Variants in TBC1D4 observed in about 807,000 individuals in gnomAD.
The protein encoded by TBC1D4 is TBC1 domain family member 4.
Under a neutral mutation model 142.5 loss-of-function variants are expected in TBC1D4, and 121 were observed. That is an observed-to-expected ratio of 0.85 (90% confidence interval 0.73 to 0.99). The LOEUF (loss-of-function observed/expected upper bound fraction) is 0.99, where lower values mean the gene tolerates loss of function less well. TBC1D4 is among the 50% of genes least tolerant of loss of function. The pLI, the probability that TBC1D4 is intolerant of heterozygous loss-of-function variation, is 0.00. For missense variants in TBC1D4, 1,475 were observed against 1,606.6 expected, an observed-to-expected ratio of 0.92 and a Z score of 1.40; for synonymous variants, 630 against 628.2, an observed-to-expected ratio of 1.00 and a Z score of -0.04.
chr13:75,335,336 T>C (rs1004646015), intron 8 of TBC1D4, among the ~76,000 whole-genome samples: 19 of 152,182 alleles, frequency 1.2e-4, no homozygotes, highest in Non-Finnish European at 2.5e-4. Context: ...CCCACGTAGC[T>C]TGACCTCACC....
chr13:75,440,380 CAG>C (rs1390111821), intron 1 of TBC1D4, among the ~76,000 whole-genome samples: 18 of 151,506 alleles, frequency 1.2e-4, no homozygotes, highest in Non-Finnish European at 2.1e-4. Flanking sequence ...AAAGAGAAAA[CAG>C]AGGAGGGTTT....
At position 75,362,741 on chromosome 13, in the gene TBC1D4, CAG is replaced by C. The variant is rs928890289; in HGVS notation, c.499-136_499-135del. The C allele has an allele frequency of 2.3e-6, 2 of 875,926 alleles. No individual in the cohort carries two copies. The highest frequency in any genetic ancestry group is 3.4e-5 in the African/African-American group (2 of 59,076). 54.3% of individuals were successfully genotyped at this position (875,926 alleles called of 1,614,324 possible). On this transcript the variant is annotated intron_variant, in intron 1 of 20. Transcript: ENST00000377636. The surrounding 1 kb of genome is among the most constrained non-coding windows in gnomAD (Gnocchi z 4.2). ...ACAAAGTAATAGACACTACACGAGA[CAG>C]AGCATACACTTACATTATTTGACAT...
chr13:75,373,630 T>TG (rs1403062841), intron 1 of TBC1D4, among the ~76,000 whole-genome samples: 1 of 152,104 alleles, frequency 6.6e-6, no homozygotes, highest in Admixed American at 6.5e-5. Flanking sequence ...CTCCAAACAA[T>TG]GCGGGTCCTC....
At chr13:75,431,207 T>C (rs1257945401) in intron 1 of TBC1D4, among the ~76,000 whole-genome samples, 3 of 152,222 alleles carry the variant, frequency 2.0e-5, no homozygotes, top group African/African-American at 7.2e-5. Flanking sequence ...CTAGTAATTA[T>C]ACATGCAAAT....
At chr13:75,379,090 C>T (rs1883675237) in intron 1 of TBC1D4, among the ~76,000 whole-genome samples, 1 of 152,056 alleles carries the variant, frequency 6.6e-6, no homozygotes, top group African/African-American at 2.4e-5. Flanking sequence ...ATCTCAATCA[C>T]ATAACATCAT....
chr13:75,362,656 A>G lies in TBC1D4; in HGVS notation c.499-49T>C. 6.3e-7 allele frequency: 1 copy of G among 1,599,090 alleles called. No individual in the cohort carries two copies. The highest frequency in any genetic ancestry group is 1.1e-5 in the South Asian group (1 of 90,692). On this transcript the variant is annotated intron_variant, in intron 1 of 20. Coordinates refer to ENST00000377636, the MANE Select transcript of TBC1D4 (RefSeq NM_014832.5). The surrounding 1 kb of genome is among the most constrained non-coding windows in gnomAD (Gnocchi z 4.2). ...GATTCTAGTTGAAAGTTTTGAGACA[A>G]TTTACATTTACCTAGCCCAATTATT...
At chr13:75,391,195 T>TACAC (rs111629817) in intron 1 of TBC1D4, among the ~76,000 whole-genome samples, 30,463 of 141,648 alleles carry the variant, frequency 0.22, 3,235 homozygotes, top group Middle Eastern at 0.3. Flanking sequence ...CCCATCAGTT[T>TACAC]ACACACACAC....
chr13:75,361,675 G>A (rs891363092), intron 2 of TBC1D4, among the ~76,000 whole-genome samples: 9 of 152,118 alleles, frequency 5.9e-5, no homozygotes, highest in East Asian at 1.9e-4. Context: ...CCCCCGCGCC[G>A]GGCCTACAAT....
At chr13:75,311,216 T>C (rs948944680) in intron 13 of TBC1D4, among the ~76,000 whole-genome samples, 7 of 152,216 alleles carry the variant, frequency 4.6e-5, no homozygotes, top group Non-Finnish European at 1.0e-4. Context: ...ATTCTTTGCA[T>C]TCATCATGCT....
intron 7 of TBC1D4, among the ~76,000 whole-genome samples, chr13:75,339,720 C>T (rs570075911): frequency 1.0e-4 from 15 of 150,342 alleles, no homozygotes; most frequent in Non-Finnish European, 2.2e-4. Context: ...GGATTACAGG[C>T]ACACACCACC....
At chr13:75,427,173 C>T (rs577848774) in intron 1 of TBC1D4, among the ~76,000 whole-genome samples, 1 of 151,880 alleles carries the variant, frequency 6.6e-6, no homozygotes, top group African/African-American at 2.4e-5. Context: ...CTGCAAGCTC[C>T]GCCTCCCAGG....
In TBC1D4 at chr13:75,327,805, G is replaced by A. The variant is rs1316152118; in HGVS notation, c.1753C>T (p.Arg585Trp). The stretch of plus-strand genomic sequence containing the variant: ...TCAAAACTGTCCACACTTCCAAGCC[G>A]ACCTCTCATTCTGTTAGCTCCCTGA... ...FSRGANRMRG[R>W]LGSVDSFERS... The change falls in exon 9 of 21, where the codon CGG becomes TGG. Residue 585 changes from arginine to tryptophan, a missense_variant. Transcript: ENST00000377636. The A allele has an allele frequency of 3.1e-6, 5 of 1,613,738 alleles. No individual in the cohort carries two copies. Among genetic ancestry groups the A allele is most frequent in the African/African-American group, 2.7e-5 (2 of 74,874 alleles).
At chr13:75,470,242 C>T (rs1191986129) in intron 1 of TBC1D4, among the ~76,000 whole-genome samples, 1 of 152,158 alleles carries the variant, frequency 6.6e-6, no homozygotes, top group African/African-American at 2.4e-5. Flanking sequence ...ATGCTCAGCA[C>T]TGCCACTGTA....
rs773824854 is a variant in TBC1D4, at chr13:75,302,407, A to G, written c.2753-6T>C. 1.3e-5 allele frequency: 21 copies of G among 1,614,090 alleles called. No homozygotes were observed. The South Asian group carries it at 1.3e-4, about 10-fold the overall frequency. On this transcript the variant is annotated splice_region_variant and splice_polypyrimidine_tract_variant and intron_variant, in intron 15 of 20. Transcript: ENST00000377636. ...TCGTCGACTTTTGGGAACTCCTACA[A>G]TGAAGGAGATAAATAACCAAGGCCT...
intron 1 of TBC1D4, among the ~76,000 whole-genome samples, chr13:75,439,827 G>A (rs940526480): frequency 5.9e-5 from 9 of 151,714 alleles, no homozygotes; most frequent in Non-Finnish European, 7.4e-5. Context: ...ACTTGAACCC[G>A]GGAGGCAGAG....
At chr13:75,327,313 A>G (rs1445294927) in intron 9 of TBC1D4, among the ~76,000 whole-genome samples, 2 of 152,228 alleles carry the variant, frequency 1.3e-5, no homozygotes, top group Non-Finnish European at 2.9e-5. Flanking sequence ...TGCACTACGC[A>G]GGAAACAGGA....
intron 1 of TBC1D4, among the ~76,000 whole-genome samples, chr13:75,456,041 G>T (rs56266917): frequency 0.086 from 13,045 of 151,432 alleles, 603 homozygotes; most frequent in Admixed American, 0.13. Context: ...ATGTTGCCCA[G>T]GCTGGCCTCA....
chr13:75,384,398 T>C (rs1272982304), intron 1 of TBC1D4, among the ~76,000 whole-genome samples: 4 of 152,078 alleles, frequency 2.6e-5, no homozygotes, highest in Non-Finnish European at 5.9e-5. Flanking sequence ...ATTGCTGCAC[T>C]CCAGCCTGGG....
intron 11 of TBC1D4, among the ~76,000 whole-genome samples, chr13:75,320,865 T>C (rs1461507606): frequency 1.1e-4 from 3 of 27,240 alleles, no homozygotes; most frequent in East Asian, 7.2e-4. Flanking sequence ...CTACTAAAAA[T>C]ACAAAAAAAA....
Sources: allele counts gnomAD v4.1 joint callset (sites outside exome capture counted in the v4.1 genomes callset), GRCh38; gene constraint gnomAD v4.1.1; non-coding constraint Gnocchi (gnomAD v3.1); transcripts MANE v1.5; gene names NCBI Gene and HGNC (gene_info 2026-07-23, HGNC 2026-07-21).